The following MTHFS variants were observed in gnomAD, a reference collection of about 807,000 sequenced individuals.
MTHFS encodes methenyltetrahydrofolate synthetase.
MTHFS carries 7 observed loss-of-function variants against 12.7 expected under a neutral mutation model. That is an observed-to-expected ratio of 0.55 (90% CI 0.31 to 1.03). The LOEUF is 1.03. Ranked by LOEUF, MTHFS falls within the 50% of genes least tolerant of loss-of-function variation. The probability of loss-of-function intolerance (pLI) is 0.05; values close to 1 mark genes in which losing one functional copy is unlikely to be tolerated. For missense variants in MTHFS, 252 were observed against 258.1 expected (o/e 0.98, Z 0.16); for synonymous variants, 100 against 97.1 (o/e 1.03, Z -0.18).
At chr15:79,879,573 T>C (rs2034262297) in intron 2 of MTHFS, among the ~76,000 whole-genome samples, 1 of 152,232 alleles carries the variant, frequency 6.6e-6, no homozygotes, top group Admixed American at 6.5e-5. Context: ...AAAACTAATG[T>C]GTGGTTTGTA....
intron 2 of MTHFS, among the ~76,000 whole-genome samples, chr15:79,884,183 A>G (rs2034344602): frequency 6.6e-6 from 1 of 152,244 alleles, no homozygotes; most frequent in South Asian, 2.1e-4. Flanking sequence ...ATTAGAAAGG[A>G]GCAAAACTAG....
At chr15:79,890,494 G>A (rs935065800) in intron 1 of MTHFS, among the ~76,000 whole-genome samples, 2 of 151,994 alleles carry the variant, frequency 1.3e-5, no homozygotes, top group African/African-American at 4.8e-5. Context: ...CTCCCAAAGT[G>A]CTGGGATTAC....
chr15:79,879,921 G>T (rs2034268024), intron 2 of MTHFS, among the ~76,000 whole-genome samples: 1 of 152,096 alleles, frequency 6.6e-6, no homozygotes, highest in South Asian at 2.1e-4. Flanking sequence ...TACACCCAAA[G>T]AACACTTAAA....
chr15:79,863,344 T>C lies in MTHFS; in HGVS notation c.380-17902A>G, dbSNP rs1290512029. Among the ~76,000 whole-genome samples, 5 of 152,206 alleles carry C rather than the reference T, an allele frequency of 3.3e-5. No homozygotes were observed. The East Asian group carries it at 7.7e-4, about 23-fold the overall frequency. ...CCAAACATAGAACTAGTCATGTTAC[T>C]CCTATGATTAAAGTCTTTCAATAAC... On this transcript the variant is annotated intron_variant, in intron 2 of 2. Coordinates refer to ENST00000258874, the MANE Select transcript of MTHFS (RefSeq NM_006441.4).
intron 2 of MTHFS, among the ~76,000 whole-genome samples, chr15:79,885,062 C>A (rs942008794): frequency 6.6e-6 from 1 of 152,176 alleles, no homozygotes; most frequent in Non-Finnish European, 1.5e-5. Context: ...GAAATCCATA[C>A]CCACTATCTT....
chr15:79,881,904 T>C (rs763783081), intron 2 of MTHFS, among the ~76,000 whole-genome samples: 1 of 152,172 alleles, frequency 6.6e-6, no homozygotes, highest in Non-Finnish European at 1.5e-5. Context: ...AGTTATCCTA[T>C]CTGAAAACAA....
At chr15:79,878,717 T>C (rs1038153336) in intron 2 of MTHFS, among the ~76,000 whole-genome samples, 1 of 151,686 alleles carries the variant, frequency 6.6e-6, no homozygotes. Context: ...TCTCCCTATG[T>C]GGAGGGAGTG....
intron 2 of MTHFS, among the ~76,000 whole-genome samples, chr15:79,879,594 T>C (rs369395943): frequency 6.6e-6 from 1 of 152,218 alleles, no homozygotes; most frequent in South Asian, 2.1e-4. Context: ...TGTTTATATG[T>C]TTGTTTTTCT....
At position 79,845,238 on chromosome 15, in the gene MTHFS, A is replaced by T; in HGVS notation, c.584T>A (p.Val195Asp). 6.2e-7 allele frequency: 1 copy of T among 1,614,198 alleles called. No homozygotes were observed. Among genetic ancestry groups the T allele is most frequent in the Non-Finnish European group, 8.5e-7 (1 of 1,180,032 alleles). The change falls in exon 3 of 3, where the codon GTC becomes GAC. Residue 195 changes from valine (V) to aspartate (D), a missense_variant. Coordinates refer to ENST00000258874, the MANE Select transcript of MTHFS (RefSeq NM_006441.4). The stretch of plus-strand genomic sequence containing the variant: ...AGCTGTTGACGAGTCTTCGTAAAGG[A>T]CTTCATCTACCTTCATGTCGTTTTC... ...VNENDMKVDE[V>D]LYEDSSTA
intron 2 of MTHFS, among the ~76,000 whole-genome samples, chr15:79,870,205 C>G (rs1356779361): frequency 6.6e-6 from 1 of 152,198 alleles, no homozygotes; most frequent in Admixed American, 6.5e-5. Flanking sequence ...CACAAGACAA[C>G]AGACTAGTTG....
intron 1 of MTHFS, among the ~76,000 whole-genome samples, chr15:79,892,626 T>C (rs934686249): frequency 3.3e-5 from 5 of 152,154 alleles, no homozygotes; most frequent in African/African-American, 1.2e-4. Context: ...TATTCAATCA[T>C]ACAACTTGAT....
At chr15:79,846,545 A>G (rs1008081075) in intron 2 of MTHFS, among the ~76,000 whole-genome samples, 5 of 152,220 alleles carry the variant, frequency 3.3e-5, no homozygotes, top group African/African-American at 1.2e-4. Context: ...GACTACCTGC[A>G]GAACTGTGAG....
intron 2 of MTHFS, among the ~76,000 whole-genome samples, chr15:79,887,060 C>A (rs2034395102): frequency 6.6e-6 from 1 of 152,120 alleles, no homozygotes; most frequent in African/African-American, 2.4e-5. Context: ...CATGGTGAAA[C>A]CCCATCTCTA....
chr15:79,862,829 C>A (rs1373098003), intron 2 of MTHFS, among the ~76,000 whole-genome samples: 1 of 152,170 alleles, frequency 6.6e-6, no homozygotes, highest in Admixed American at 6.5e-5. Context: ...GCAAATTGAT[C>A]TTGGTCCATC....
chr15:79,891,910 C>T (rs929838367), intron 1 of MTHFS, among the ~76,000 whole-genome samples: 3 of 133,904 alleles, frequency 2.2e-5, no homozygotes, highest in Non-Finnish European at 3.1e-5. Flanking sequence ...AGAGGATGAG[C>T]CAAGATCATG....
chr15:79,887,336 T>G (rs1232790436), intron 2 of MTHFS, among the ~76,000 whole-genome samples: 1 of 152,238 alleles, frequency 6.6e-6, no homozygotes, highest in Admixed American at 6.5e-5. Flanking sequence ...TGCTTCTTCC[T>G]TACTCTTTTC....
chr15:79,879,793 C>T (rs2034265567), intron 2 of MTHFS, among the ~76,000 whole-genome samples: 1 of 152,168 alleles, frequency 6.6e-6, no homozygotes. Context: ...TACACACACA[C>T]ATGCACACAT....
chr15:79,897,199 C>T (rs1367164232), upstream of MTHFS: 3 of 462,378 alleles, frequency 6.5e-6, no homozygotes, highest in Non-Finnish European at 1.1e-5. Flanking sequence ...TCGTGCGGTC[C>T]CCGTGGTCCG....
chr15:79,869,415 T>C (rs2034065973), intron 2 of MTHFS, among the ~76,000 whole-genome samples: 1 of 152,172 alleles, frequency 6.6e-6, no homozygotes, highest in Non-Finnish European at 1.5e-5. Context: ...AAAAGAATAA[T>C]CTGAGATTTG....
Sources: gnomAD v4.1 joint callset for allele counts (sites outside exome capture counted in the v4.1 genomes callset) on GRCh38, gnomAD v4.1.1 for gene constraint, MANE v1.5 for transcripts, NCBI Gene and HGNC (gene_info 2026-07-23, HGNC 2026-07-21) for gene names.